Variants in LYVE1 observed in about 807,000 individuals in gnomAD.
LYVE1 encodes lymphatic vessel endothelial hyaluronan receptor 1.
Under a neutral mutation model 31.5 loss-of-function variants are expected in LYVE1, and 29 were observed. That is an observed-to-expected ratio of 0.92 (90% CI 0.69 to 1.26). LYVE1 has a LOEUF of 1.26. LYVE1 is among the 50% of genes most tolerant of loss of function. The pLI is 0.00. For synonymous variants in LYVE1, 134 were observed against 139.4 expected (o/e 0.96, Z 0.27); for missense variants, 376 against 380.2 (o/e 0.99, Z 0.09).
At chr11:10,565,914 G>A (rs939537549) in intron 1 of LYVE1, among the ~76,000 whole-genome samples, 9 of 151,862 alleles carry the variant, frequency 5.9e-5, no homozygotes, top group Non-Finnish European at 1.2e-4. Context: ...GGGTTCAAGC[G>A]ATTCTCCTGC....
Position 10,568,427 on chromosome 11 carries a change from GA to G in LYVE1, c.85+20del. 1 of 1,612,664 alleles carries G rather than the reference GA, an allele frequency of 6.2e-7. No individual in the cohort carries two copies. The highest frequency in any genetic ancestry group is 8.5e-7 in the Non-Finnish European group (1 of 1,179,084). On this transcript the variant is annotated intron_variant, in intron 1 of 5. Coordinates refer to ENST00000256178, the MANE Select transcript of LYVE1 (RefSeq NM_006691.4). The stretch of plus-strand genomic sequence containing the variant: ...AGGACTGAAGCCTTGCTTCAGTTTG[GA>G]AATCTGGTGAGAAACCTACCTTCTG...
At chr11:10,559,415 C>T (rs927964285) in intron 5 of LYVE1, 118 bp from the exon 6 acceptor site, 2 of 688,134 alleles carry the variant, frequency 2.9e-6, no homozygotes, top group Non-Finnish European at 4.9e-6. Context: ...CAGAGTGATG[C>T]CAGCACATGC....
chr11:10,559,948 A>C (rs1266208967), intron 4 of LYVE1, 54 bp from the exon 5 acceptor site: 12 of 1,257,818 alleles, frequency 9.5e-6, no homozygotes, highest in Middle Eastern at 1.8e-4. Context: ...ATTGTGTGTA[A>C]TGCTCATTGC....
rs747770568 is a variant in LYVE1 at position 10,560,569 on chromosome 11, C to T, written c.629G>A (p.Ser210Asn). The T allele has an allele frequency of 1.2e-6, 2 of 1,614,036 alleles. No individual in the cohort carries two copies. Among genetic ancestry groups the T allele is most frequent in the Admixed American group, 3.3e-5 (2 of 60,012 alleles). The change falls in exon 4 of 6, where the codon AGC (serine) becomes AAC (asparagine). Residue 210 changes from serine to asparagine, a missense_variant. Transcript: ENST00000256178. ...ICVTEVFMET[S>N]TMSTETEPFV... ...TGGTTCAGTTTCTGTAGACATGGTG[C>T]TAGTTTCCATAAAAACTTCTGTGAC...
intron 3 of LYVE1, among the ~76,000 whole-genome samples, chr11:10,562,246 G>A (rs969790157): frequency 4.6e-5 from 7 of 152,208 alleles, no homozygotes; most frequent in African/African-American, 1.4e-4. Context: ...AGACCAAAGA[G>A]GCAGAGAAGG....
intron 3 of LYVE1, among the ~76,000 whole-genome samples, chr11:10,562,891 C>A (rs116667541): frequency 3.6e-4 from 54 of 150,808 alleles, no homozygotes; most frequent in African/African-American, 1.3e-3. Context: ...TGAGTCTGAA[C>A]CTTTACAGTA....
chr11:10,568,362 C>A, intron 1 of LYVE1, 86 bp downstream of exon 1: 1 of 1,390,830 alleles, frequency 7.2e-7, no homozygotes, highest in Non-Finnish European at 9.9e-7. Context: ...GAGGGTCACC[C>A]TCATTCCCAG....
rs1365331127 is a variant in LYVE1 at position 10,560,771 on chromosome 11, T to A, written c.427A>T (p.Ile143Phe). Reference sequence around the variant, plus strand: ...AATATGGGATCTTTGGTGGTGATAATTTCTGGAATGCACGAGTTAGTCCAA... The same window carrying A: ...AATATGGGATCTTTGGTGGTGATAAATTCTGGAATGCACGAGTTAGTCCAA... ...DTWTNSCIPE[I>F]ITTKDPIFNT... is the part of the protein sequence containing the mutation. The change falls in exon 4 of 6, where the codon ATT becomes TTT. Residue 143 changes from isoleucine to phenylalanine, a missense_variant. Physicochemically the swap from Ile to Phe is conservative, Grantham distance 21. Transcript: ENST00000256178. 1.9e-6 allele frequency: 3 copies of A among 1,612,648 alleles called. No individual in the cohort carries two copies. Among genetic ancestry groups the A allele is most frequent in the Non-Finnish European group, 2.5e-6 (3 of 1,178,766 alleles).
rs748227692 is a variant in LYVE1 at position 10,559,860 on chromosome 11, G to A, written c.738C>T (p.Leu246=). Residue 246 remains leucine, a synonymous_variant, in exon 5 of 6, where the codon CTC becomes CTT. Coordinates refer to ENST00000256178, the MANE Select transcript of LYVE1 (RefSeq NM_006691.4). The part of the protein sequence containing the change: ...VPTALLVLAL[L]FFGAAAGLGF... ...CAAGACCAGCTGCAGCACCAAAGAAGAGGAGAGCAAGCACTAGCAGAGCCG... is the reference window on the plus strand; with the variant it reads ...CAAGACCAGCTGCAGCACCAAAGAAAAGGAGAGCAAGCACTAGCAGAGCCG... 1.1e-5 allele frequency: 17 copies of A among 1,613,828 alleles called. No individual in the cohort carries two copies. Among genetic ancestry groups the A allele is most frequent in the Non-Finnish European group, 1.4e-5 (16 of 1,179,872 alleles).
intron 4 of LYVE1, 106 bp downstream of exon 4, chr11:10,560,389 T>C: frequency 2.1e-6 from 2 of 949,620 alleles, no homozygotes; most frequent in Non-Finnish European, 3.1e-6. Flanking sequence ...TTTATTAGTA[T>C]TTGACAGGTC....
rs1036883720 is a variant in LYVE1 at position 10,558,450 on chromosome 11, A to G, written c.*661T>C. On this transcript the variant is annotated 3_prime_UTR_variant, in exon 6 of 6. Transcript: ENST00000256178. Reference sequence around the variant, plus strand: ...TGTTCTAAACAGTGATTCCAACTCAATGTGTTCAGAGAAAACACTTTGACC... The same window carrying G: ...TGTTCTAAACAGTGATTCCAACTCAGTGTGTTCAGAGAAAACACTTTGACC... The G allele has an allele frequency of 4.6e-5, 7 of 152,226 alleles. No homozygotes were observed. The highest frequency in any genetic ancestry group is 1.7e-4 in the African/African-American group (7 of 41,452). 9.4% of individuals were successfully genotyped at this position (152,226 alleles called of 1,614,324 possible).
chr11:10,563,527 G>A (rs1850474000), intron 3 of LYVE1, among the ~76,000 whole-genome samples: 1 of 152,114 alleles, frequency 6.6e-6, no homozygotes, highest in South Asian at 2.1e-4. Context: ...TTTATATCAG[G>A]GACTTGGGCA....
rs1030707735 is a variant in LYVE1, at chr11:10,557,858, A to G, written c.*1253T>C. ...GGTATAATGCATCTACGTAAATAAG[A>G]AAGCAAAGAAGTTTTCTAAATGCTT... On this transcript the variant is annotated 3_prime_UTR_variant, in exon 6 of 6. Transcript: ENST00000256178. 6.6e-6 allele frequency: 1 copy of G among 152,230 alleles called. No homozygotes were observed. Among genetic ancestry groups the G allele is most frequent in the East Asian group, 1.9e-4 (1 of 5,204 alleles). 9.4% of individuals were successfully genotyped at this position (152,230 alleles called of 1,614,324 possible). A position where few individuals can be genotyped will look rare whatever the true frequency, so the allele number is the denominator to read the frequency against.
chr11:10,561,980 TAATAAAA>T (rs1850435917), intron 3 of LYVE1, among the ~76,000 whole-genome samples: 1 of 151,994 alleles, frequency 6.6e-6, no homozygotes. Flanking sequence ...AAAAATAAAA[TAATAAAA>T]TAAAATTATC....
Position 10,560,859 on chromosome 11 carries a change from T to C in LYVE1, c.398-59A>G, listed in dbSNP as rs181391603. 1.9e-5 allele frequency: 26 copies of C among 1,386,218 alleles called. No homozygotes were observed. The East Asian group carries it at 5.7e-4, about 31-fold the overall frequency. The allele number at this position is 1,386,218 out of a possible 1,614,324, so 85.9% of individuals were successfully genotyped here. A position where few individuals can be genotyped will look rare whatever the true frequency, so the allele number is the denominator to read the frequency against. On this transcript the variant is annotated intron_variant, in intron 3 of 5. Transcript: ENST00000256178. The stretch of plus-strand genomic sequence containing the variant: ...TGCAACAGCCTCCTAACTGTTCTTC[T>C]TGCCTCTAGTCTTACTACCTCCAAA...
At chr11:10,559,758 A>T (rs549228485) in intron 5 of LYVE1, 58 bp downstream of exon 5, 1 of 1,504,036 alleles carries the variant, frequency 6.6e-7, no homozygotes, top group African/African-American at 1.4e-5. Context: ...ACCCTGAAAA[A>T]GCACAGGATA....
chr11:10,567,849 T>C (rs1357952680), intron 1 of LYVE1, among the ~76,000 whole-genome samples: 1 of 152,208 alleles, frequency 6.6e-6, no homozygotes, highest in African/African-American at 2.4e-5. Flanking sequence ...ACCTCATTCA[T>C]GGTATGATAA....
chr11:10,557,442 T>C lies in LYVE1; in HGVS notation c.*1669A>G, dbSNP rs985005584. On this transcript the variant is annotated 3_prime_UTR_variant, in exon 6 of 6. Transcript: ENST00000256178. ...TCCGTGGGCCAACCGGAAAAGATTATGCCAGCAGGTTGTGGCATCTGGGCC... is the reference window on the plus strand; with the variant it reads ...TCCGTGGGCCAACCGGAAAAGATTACGCCAGCAGGTTGTGGCATCTGGGCC... 1 of 152,240 alleles carries C rather than the reference T, an allele frequency of 6.6e-6. No individual in the cohort carries two copies. Among genetic ancestry groups the C allele is most frequent in the African/African-American group, 2.4e-5 (1 of 41,460 alleles). The allele number at this position is 152,240 out of a possible 1,614,324, so 9.4% of individuals were successfully genotyped here.
At chr11:10,562,993 G>GC (rs1305683769) in intron 3 of LYVE1, among the ~76,000 whole-genome samples, 1 of 117,896 alleles carries the variant, frequency 8.5e-6, no homozygotes, top group Admixed American at 1.3e-4. Context: ...TCACTCTGTC[G>GC]CCCAGGCTGG....
Sources: allele counts gnomAD v4.1 joint callset (sites outside exome capture counted in the v4.1 genomes callset), GRCh38; gene constraint gnomAD v4.1.1; transcripts MANE v1.5; gene names NCBI Gene and HGNC (gene_info 2026-07-23, HGNC 2026-07-21).